The following KAZN variants were observed in gnomAD, a reference collection of about 807,000 sequenced individuals.
KAZN encodes the protein kazrin, periplakin interacting protein.
KAZN carries 40 observed loss-of-function variants against 87.4 expected under a neutral mutation model. That is an observed-to-expected ratio of 0.46 (90% CI 0.36 to 0.60). The LOEUF is 0.60. KAZN is among the 20% of genes least tolerant of loss of function. KAZN has a pLI of 0.00. For synonymous variants in KAZN, 466 were observed against 458.3 expected (o/e 1.02, Z -0.22); for missense variants, 898 against 1,073.9 (o/e 0.84, Z 2.29).
intron 2 of KAZN, among the ~76,000 whole-genome samples, chr1:14,584,132 C>A (rs1195972507): frequency 2.6e-5 from 4 of 152,194 alleles, no homozygotes; most frequent in African/African-American, 7.2e-5. Flanking sequence ...TGCTCCTCCC[C>A]ACTCCATGCA....
intron 2 of KAZN, among the ~76,000 whole-genome samples, chr1:14,502,186 G>T (rs1240625021): frequency 6.6e-6 from 1 of 151,872 alleles, no homozygotes; most frequent in Non-Finnish European, 1.5e-5. Flanking sequence ...AATGCCCCTC[G>T]TGGGTCTGTT....
chr1:14,920,677 A>G (rs1287508160), intron 1 of KAZN, among the ~76,000 whole-genome samples: 1 of 152,134 alleles, frequency 6.6e-6, no homozygotes, highest in African/African-American at 2.4e-5. Context: ...TAAGAATTTC[A>G]AGGCAACAAC....
intron 2 of KAZN, among the ~76,000 whole-genome samples, chr1:14,538,653 C>T (rs181690365): frequency 5.3e-5 from 8 of 152,300 alleles, no homozygotes; most frequent in African/African-American, 1.7e-4. Flanking sequence ...CTTGGCAACA[C>T]GTAAATTATG....
At chr1:15,100,767 C>T (rs1261711342) in intron 10 of KAZN, among the ~76,000 whole-genome samples, 2 of 152,254 alleles carry the variant, frequency 1.3e-5, no homozygotes, top group Non-Finnish European at 2.9e-5. Flanking sequence ...CACTGTGTGG[C>T]TCTAGGCAAA....
chr1:14,230,711 A>G (rs1370299618), intron 2 of KAZN, among the ~76,000 whole-genome samples: 6 of 152,282 alleles, frequency 3.9e-5, no homozygotes, highest in East Asian at 3.9e-4. Flanking sequence ...AGGTGACTCT[A>G]TGACACTGAA....
At chr1:14,087,106 G>T (rs544531124) in intron 1 of KAZN, among the ~76,000 whole-genome samples, 1 of 152,228 alleles carries the variant, frequency 6.6e-6, no homozygotes, top group African/African-American at 2.4e-5. Context: ...TCATCATAGT[G>T]AATCTTCTAG....
chr1:14,757,206 T>A (rs77121323), intron 1 of KAZN, among the ~76,000 whole-genome samples: 1 of 152,152 alleles, frequency 6.6e-6, no homozygotes, highest in Non-Finnish European at 1.5e-5. Flanking sequence ...CAATATATGG[T>A]TTTTTTCAGT....
At chr1:13,966,994 C>G (rs1236692222) in intron 1 of KAZN, among the ~76,000 whole-genome samples, 1 of 152,192 alleles carries the variant, frequency 6.6e-6, no homozygotes, top group Non-Finnish European at 1.5e-5. Context: ...GTCTGTATAA[C>G]TGGTCCCACC....
In KAZN at chr1:14,040,628, G is replaced by A. The variant is rs188534680; in HGVS notation, c.92-139807G>A. Among the ~76,000 whole-genome samples, 1,380 of 152,034 alleles carry A rather than the reference G, an allele frequency of 9.1e-3. 29 individuals are homozygous for A. The highest frequency in any genetic ancestry group is 0.032 in the African/African-American group (1,316 of 41,504). On this transcript the variant is annotated intron_variant, in intron 1 of 16. Transcript: ENST00000636203. Reference sequence around the variant, plus strand: ...AATACAAAAATTAGCCAGGCATGGTGGCGCCCGCCTGTAATCCCAGCTACT... The same window carrying A: ...AATACAAAAATTAGCCAGGCATGGTAGCGCCCGCCTGTAATCCCAGCTACT...
At chr1:14,411,251 A>G (rs1483183894) in intron 2 of KAZN, among the ~76,000 whole-genome samples, 1 of 152,210 alleles carries the variant, frequency 6.6e-6, no homozygotes, top group South Asian at 2.1e-4. Context: ...GAAACAAATT[A>G]TCATTCAAGA....
chr1:14,020,648 C>A (rs1313908944), intron 1 of KAZN, among the ~76,000 whole-genome samples: 1 of 152,200 alleles, frequency 6.6e-6, no homozygotes, highest in Non-Finnish European at 1.5e-5. Context: ...TTAGGACGAT[C>A]TGGGAAAGAC....
intron 2 of KAZN, among the ~76,000 whole-genome samples, chr1:14,498,809 A>G (rs1670090008): frequency 6.6e-6 from 1 of 152,054 alleles, no homozygotes; most frequent in African/African-American, 2.4e-5. Context: ...TGGGTTGGCC[A>G]AGGCAGCAAG....
In KAZN at chr1:14,318,225, A is replaced by G. The variant is rs1174971569; in HGVS notation, c.249+137633A>G. ...CTTACAATGAAGAATTTCCTCTCAC[A>G]TCTCTTGTAACACAAGCCTTTCAGT... On this transcript the variant is annotated intron_variant, in intron 2 of 16. Coordinates refer to the KAZN transcript ENST00000636203. Among the ~76,000 whole-genome samples, 3 of 152,142 alleles carry G rather than the reference A, an allele frequency of 2.0e-5. No homozygotes were observed. In the East Asian group the frequency reaches 5.8e-4, roughly 29 times the overall value.
At chr1:14,372,732 A>G (rs879564742) in intron 2 of KAZN, among the ~76,000 whole-genome samples, 2 of 152,164 alleles carry the variant, frequency 1.3e-5, no homozygotes, top group African/African-American at 4.8e-5. Flanking sequence ...CCTGTGATTC[A>G]TTGTTGATTA....
intron 1 of KAZN, among the ~76,000 whole-genome samples, chr1:14,672,675 A>C (rs1055605641): frequency 6.6e-6 from 1 of 152,232 alleles, no homozygotes; most frequent in African/African-American, 2.4e-5. Flanking sequence ...CAGAATCCAG[A>C]AGGTCAGAGA....
rs569724994 is a variant in KAZN, at chr1:14,556,537, G to A, written c.250-42446G>A. Among the ~76,000 whole-genome samples the A allele has an allele frequency of 1.3e-4, 20 of 152,152 alleles. No homozygotes were observed. In the South Asian group the frequency reaches 1.5e-3, roughly 11 times the overall value. On this transcript the variant is annotated intron_variant, in intron 2 of 16. Transcript: ENST00000636203. ...TCTTCAAGCCAAGTCAACTGAGGGTGAATTTTCCAGCTGCCTCTTTCCATA... is the reference window on the plus strand; with the variant it reads ...TCTTCAAGCCAAGTCAACTGAGGGTAAATTTTCCAGCTGCCTCTTTCCATA...
intron 1 of KAZN, among the ~76,000 whole-genome samples, chr1:14,871,626 C>G (rs1199524485): frequency 6.7e-6 from 1 of 148,476 alleles, no homozygotes; most frequent in Admixed American, 6.8e-5. Flanking sequence ...CTGCAGTGAG[C>G]CTGAGACATC....
chr1:14,521,769 T>C (rs1180376839), intron 2 of KAZN, among the ~76,000 whole-genome samples: 1 of 152,186 alleles, frequency 6.6e-6, no homozygotes, highest in Non-Finnish European at 1.5e-5. Context: ...GTGTGGTTAC[T>C]GAGGATTAAG....
At chr1:14,183,023 AGAT>A (rs1646230391) in intron 2 of KAZN, among the ~76,000 whole-genome samples, 1 of 152,172 alleles carries the variant, frequency 6.6e-6, no homozygotes, top group African/African-American at 2.4e-5. Context: ...TAATAGTATT[AGAT>A]GATGATGAAA....
Sources: gnomAD v4.1 joint callset for allele counts (sites outside exome capture counted in the v4.1 genomes callset) on GRCh38, gnomAD v4.1.1 for gene constraint, MANE v1.5 for transcripts, NCBI Gene and HGNC (gene_info 2026-07-23, HGNC 2026-07-21) for gene names.